The following PRKG1 variants were observed in gnomAD, a reference collection of about 807,000 sequenced individuals.
The protein encoded by PRKG1 is protein kinase cGMP-dependent 1.
A neutral mutation model predicts 88.1 loss-of-function variants in PRKG1; 35 were observed. That is an observed-to-expected ratio of 0.40 (90% CI 0.30 to 0.53). The LOEUF is 0.53. Ranked by LOEUF, PRKG1 falls within the 20% of genes least tolerant of loss-of-function variation. The pLI, the probability that PRKG1 is intolerant of heterozygous loss-of-function variation, is 0.59. For missense variants in PRKG1, 540 were observed against 839.8 expected (o/e 0.64, Z 4.41); for synonymous variants, 303 against 292.5 (o/e 1.04, Z -0.37).
At chr10:52,006,383 T>A (rs2447639) in intron 5 of PRKG1, among the ~76,000 whole-genome samples, 38,518 of 151,986 alleles carry the variant, frequency 0.25, 5,250 homozygotes, top group Admixed American at 0.32. Flanking sequence ...AATCTAAGAA[T>A]CATAATAAAA....
intron 3 of PRKG1, among the ~76,000 whole-genome samples, chr10:51,684,177 A>G (rs1475379270): frequency 1.3e-5 from 2 of 152,242 alleles, no homozygotes; most frequent in African/African-American, 2.4e-5. Context: ...AAGAATACTA[A>G]TTGACAATAA....
intron 3 of PRKG1, among the ~76,000 whole-genome samples, chr10:51,769,611 CAG>C (rs1838251608): frequency 6.6e-6 from 1 of 152,106 alleles, no homozygotes; most frequent in South Asian, 2.1e-4. Flanking sequence ...TATTTGGAAA[CAG>C]ATATCTTTTG....
intron 4 of PRKG1, among the ~76,000 whole-genome samples, chr10:51,903,632 T>C (rs971502646): frequency 6.6e-6 from 1 of 152,162 alleles, no homozygotes; most frequent in African/African-American, 2.4e-5. Context: ...AGACTTTCAA[T>C]TTATTTGACA....
At chr10:51,516,000 G>C (rs1841569207) in intron 3 of PRKG1, among the ~76,000 whole-genome samples, 1 of 152,158 alleles carries the variant, frequency 6.6e-6, no homozygotes. Flanking sequence ...TGTCATGTGG[G>C]GCAGCTGCCT....
At chr10:51,338,713 T>A (rs1841935468) in intron 2 of PRKG1, among the ~76,000 whole-genome samples, 1 of 152,228 alleles carries the variant, frequency 6.6e-6, no homozygotes. Flanking sequence ...CTTCATCATT[T>A]CAGATAAATC....
intron 4 of PRKG1, among the ~76,000 whole-genome samples, chr10:51,845,144 T>C (rs750269285): frequency 4.6e-5 from 7 of 152,148 alleles, no homozygotes; most frequent in Non-Finnish European, 1.0e-4. Context: ...GTGGGTACAT[T>C]CCTCATTCAA....
intron 3 of PRKG1, among the ~76,000 whole-genome samples, chr10:51,573,448 A>G (rs1374860271): frequency 1.3e-5 from 2 of 151,960 alleles, no homozygotes; most frequent in Non-Finnish European, 2.9e-5. Context: ...ACTTAGATTC[A>G]TTATAATTCT....
At chr10:52,175,894 A>G (rs1270505771) in intron 9 of PRKG1, among the ~76,000 whole-genome samples, 1 of 152,050 alleles carries the variant, frequency 6.6e-6, no homozygotes, top group Non-Finnish European at 1.5e-5. Context: ...TTGGATAGTA[A>G]TGCCCTATTG....
intron 1 of PRKG1, among the ~76,000 whole-genome samples, chr10:51,009,972 A>C (rs1038962693): frequency 3.3e-5 from 5 of 152,182 alleles, no homozygotes; most frequent in African/African-American, 9.7e-5. Flanking sequence ...TCTTTATTGT[A>C]AAAGATCTCA....
rs191396196 is a variant in PRKG1, at chr10:51,821,273, C to A, written c.698+16583C>A. 1.5e-3 allele frequency among the ~76,000 whole-genome samples: 232 copies of A among 152,148 alleles called. 2 individuals are homozygous for A. The highest frequency in any genetic ancestry group is 2.9e-3 in the Admixed American group (45 of 15,262). ...TGACAAAGGGCATTTGGATTATTGC[C>A]ATTTTGAGGCTAGTATAAATAAAGC... On this transcript the variant is annotated intron_variant, in intron 4 of 17. Transcript: ENST00000373980.
At chr10:51,267,080 A>G (rs1266948592) in intron 2 of PRKG1, among the ~76,000 whole-genome samples, 2 of 152,194 alleles carry the variant, frequency 1.3e-5, no homozygotes, top group Non-Finnish European at 2.9e-5. Context: ...GCTGAAAATT[A>G]GCTCTGTTGC....
chr10:52,101,971 A>G (rs746677883), intron 7 of PRKG1, among the ~76,000 whole-genome samples: 3 of 152,200 alleles, frequency 2.0e-5, no homozygotes, highest in Non-Finnish European at 4.4e-5. Flanking sequence ...AGTCAAGTTT[A>G]TGATCAGGAC....
At chr10:51,841,475 A>G (rs1435634391) in intron 4 of PRKG1, among the ~76,000 whole-genome samples, 1 of 152,208 alleles carries the variant, frequency 6.6e-6, no homozygotes, top group Non-Finnish European at 1.5e-5. Context: ...GAATATGGGT[A>G]GGCTTTCAGG....
chr10:51,211,925 C>A (rs1225358886), intron 2 of PRKG1, among the ~76,000 whole-genome samples: 1 of 152,192 alleles, frequency 6.6e-6, no homozygotes, highest in Non-Finnish European at 1.5e-5. Flanking sequence ...CCATCCCCAT[C>A]AAGCTAACAA....
At chr10:52,157,303 G>A (rs1469774020) in intron 8 of PRKG1, among the ~76,000 whole-genome samples, 4 of 73,298 alleles carry the variant, frequency 5.5e-5, no homozygotes, top group African/African-American at 1.1e-4. Context: ...GTGTGAGTTA[G>A]TTGATATATA....
intron 3 of PRKG1, among the ~76,000 whole-genome samples, chr10:51,473,419 A>T (rs1840107453): frequency 6.6e-6 from 1 of 151,790 alleles, no homozygotes; most frequent in Non-Finnish European, 1.5e-5. Context: ...GGCTTGAGGG[A>T]AACTGTTACA....
At chr10:51,904,756 T>A (rs1454177481) in intron 4 of PRKG1, among the ~76,000 whole-genome samples, 1 of 152,132 alleles carries the variant, frequency 6.6e-6, no homozygotes, top group Non-Finnish European at 1.5e-5. Context: ...CTCAATGTTT[T>A]GAGGCATTTA....
At position 51,447,200 on chromosome 10, in the gene PRKG1, G is replaced by C. The variant is rs537210643; in HGVS notation, c.479-20523G>C. ...CCATAAGTAGTCTCATATTCATTTA[G>C]ATCAGTTTTTGAAGCCAAATGAGAA... On this transcript the variant is annotated intron_variant, in intron 2 of 17. Coordinates refer to ENST00000373980, the MANE Select transcript of PRKG1 (RefSeq NM_006258.4). 5.9e-5 allele frequency among the ~76,000 whole-genome samples: 9 copies of C among 152,086 alleles called. No individual in the cohort carries two copies. The South Asian group carries it at 1.9e-3, about 32-fold the overall frequency.
intron 3 of PRKG1, among the ~76,000 whole-genome samples, chr10:51,776,662 T>G (rs1172862875): frequency 6.6e-6 from 1 of 152,020 alleles, no homozygotes; most frequent in Admixed American, 6.6e-5. Context: ...CCGTCACTAC[T>G]ATAAATACAA....
Sources: allele counts gnomAD v4.1 joint callset (sites outside exome capture counted in the v4.1 genomes callset), GRCh38; gene constraint gnomAD v4.1.1; transcripts MANE v1.5; gene names NCBI Gene and HGNC (gene_info 2026-07-23, HGNC 2026-07-21).